The following GTPBP4 variants were observed in gnomAD, a reference collection of about 807,000 sequenced individuals.
GTPBP4 encodes GTP binding protein 4, also known as GTP-binding protein 4.
In GTPBP4, 15 loss-of-function variants were observed where a neutral mutation model predicts 81.7. The ratio of observed to expected loss-of-function variants is 0.18; its 90% confidence interval spans 0.12 to 0.28. GTPBP4 has a LOEUF of 0.28. Among genes scored for constraint, GTPBP4 ranks in the 10% least tolerant of loss-of-function variants. GTPBP4 has a pLI of 1.00. For missense variants in GTPBP4, 847 were observed against 793.8 expected (o/e 1.07, Z -0.81); for synonymous variants, 272 against 274.6 (o/e 0.99, Z 0.09).
rs572094491 is a variant in GTPBP4 at position 1,011,298 on chromosome 10, A to C, written c.1344+778A>C. On this transcript the variant is annotated intron_variant, in intron 13 of 16. Coordinates refer to ENST00000360803, the MANE Select transcript of GTPBP4 (RefSeq NM_012341.3). ...TTTTTCCTGCCTCAATCCCCTCCCT[A>C]CTTGCTTTTTCTTAGCATATAAAAG... Among the ~76,000 whole-genome samples, 6 of 152,048 alleles carry C rather than the reference A, an allele frequency of 3.9e-5. No individual in the cohort carries two copies. The East Asian group carries it at 1.2e-3, about 29-fold the overall frequency.
At chr10:1,013,152 T>G (rs888054446) in intron 14 of GTPBP4, among the ~76,000 whole-genome samples, 1 of 152,010 alleles carries the variant, frequency 6.6e-6, no homozygotes, top group Non-Finnish European at 1.5e-5. Flanking sequence ...CCTGGCTAAC[T>G]TTTGTATTTT....
chr10:1,017,253 C>CT lies in GTPBP4; in HGVS notation c.*27dup, dbSNP rs759771680. On this transcript the variant is annotated 3_prime_UTR_variant, in exon 17 of 17. Transcript: ENST00000360803. ...TATCCGTTTGGTTGGCGTGGCTTCG[C>CT]TAGAGTGTTGCTGTTTATTTCCTGG... is the stretch of plus-strand genomic sequence containing the variant. The CT allele has an allele frequency of 1.4e-5, 22 of 1,604,270 alleles. No homozygotes were observed. The South Asian group carries it at 1.8e-4, about 13-fold the overall frequency.
chr10:1,011,545 G>A (rs551342628), intron 13 of GTPBP4, among the ~76,000 whole-genome samples: 1 of 152,066 alleles, frequency 6.6e-6, no homozygotes, highest in East Asian at 1.9e-4. Context: ...TGAGCTCTCT[G>A]GAACATTCTT....
At position 1,017,238 on chromosome 10, in the gene GTPBP4, G is replaced by C. The variant is rs368768692; in HGVS notation, c.*11G>C. The stretch of plus-strand genomic sequence containing the variant: ...AAGGACAGGAGATAGTATCCGTTTG[G>C]TTGGCGTGGCTTCGCTAGAGTGTTG... On this transcript the variant is annotated 3_prime_UTR_variant, in exon 17 of 17. Coordinates refer to ENST00000360803, the MANE Select transcript of GTPBP4 (RefSeq NM_012341.3). 1.2e-6 allele frequency: 2 copies of C among 1,612,694 alleles called. No individual in the cohort carries two copies. The highest frequency in any genetic ancestry group is 1.7e-6 in the Non-Finnish European group (2 of 1,179,028).
In GTPBP4 at chr10:1,000,755, G is replaced by T; in HGVS notation, c.733G>T (p.Ala245Ser). The T allele has an allele frequency of 6.2e-7, 1 of 1,604,840 alleles. No homozygotes were observed. The highest frequency in any genetic ancestry group is 8.5e-7 in the Non-Finnish European group (1 of 1,175,364). Residue 245 changes from alanine (A) to serine (S), a missense_variant, in exon 7 of 17, where the codon GCC (alanine) becomes TCC (serine). By Grantham distance (99) the Ala-to-Ser change is moderately conservative. Around this residue, in one of 3 missense-constraint regions of GTPBP4, gnomAD observed 600 missense variants for 557.1 expected, o/e 1.08. Transcript: ENST00000360803. Reference sequence around the variant, plus strand: ...CGAGATGCAGGCCATCACTGCCCTGGCCCACCTCCGTGCTGCGGTCCTGTA... The same window carrying T: ...CGAGATGCAGGCCATCACTGCCCTGTCCCACCTCCGTGCTGCGGTCCTGTA... ...TIEMQAITAL[A>S]HLRAAVLYVM... is the part of the protein sequence containing the mutation.
At chr10:1,011,810 G>A (rs945016390) in intron 13 of GTPBP4, among the ~76,000 whole-genome samples, 4 of 152,146 alleles carry the variant, frequency 2.6e-5, no homozygotes, top group African/African-American at 4.8e-5. Flanking sequence ...CGCGGTGGCC[G>A]CCTGCCTTCC....
intron 13 of GTPBP4, among the ~76,000 whole-genome samples, chr10:1,011,051 GGCCCTTC>G (rs1831856512): frequency 3.1e-5 from 4 of 127,094 alleles, no homozygotes; most frequent in South Asian, 2.6e-4. Flanking sequence ...TGCTGTGCTG[GGCCCTTC>G]ATTCTCCTGC....
At chr10:1,012,435 T>G in intron 13 of GTPBP4, 30 bp from the exon 14 acceptor site, 1 of 1,484,736 alleles carries the variant, frequency 6.7e-7, no homozygotes, top group African/African-American at 1.4e-5. Context: ...TCATTGTTAA[T>G]TTTGCTTCAT....
rs1351395158 is a variant in GTPBP4 at position 1,006,897 on chromosome 10, C to T, written c.1003-121C>T. On this transcript the variant is annotated intron_variant, in intron 9 of 16. Coordinates refer to ENST00000360803, the MANE Select transcript of GTPBP4 (RefSeq NM_012341.3). ...GGGCCTCAGAGAATGTGGCCCCCTA[C>T]GTGTTAGTTACCTTGAGGGAAAAGG... 1.5e-5 allele frequency: 10 copies of T among 664,996 alleles called. No individual in the cohort carries two copies. The East Asian group carries it at 1.6e-4, about 11-fold the overall frequency. The allele number at this position is 664,996 out of a possible 1,614,324, so 41.2% of individuals were successfully genotyped here. A position where few individuals can be genotyped will look rare whatever the true frequency, so the allele number is the denominator to read the frequency against.
intron 6 of GTPBP4, 83 bp downstream of exon 6, chr10:999,178 G>T: frequency 1.3e-6 from 1 of 782,792 alleles, no homozygotes; most frequent in Non-Finnish European, 2.2e-6. Flanking sequence ...GAGTGCAGTG[G>T]CATGATCTCA....
At chr10:1,014,126 A>T (rs1449104353) in intron 14 of GTPBP4, 121 bp from the exon 15 acceptor site, 1 of 592,864 alleles carries the variant, frequency 1.7e-6, no homozygotes, top group Admixed American at 2.9e-5. Flanking sequence ...AAAAATTACA[A>T]CTTCTAAAAT....
In GTPBP4 at chr10:1,017,181, A is replaced by G; in HGVS notation, c.1859A>G (p.His620Arg). Reference sequence around the variant, plus strand: ...CACGTGTTTGATATGAAGCCCAAGCACTTGCTGTCTGGGAAGAGGAAAGCT... The same window carrying G: ...CACGTGTTTGATATGAAGCCCAAGCGCTTGCTGTCTGGGAAGAGGAAAGCT... ...DRHVFDMKPK[H>R]LLSGKRKAGK... The change falls in exon 17 of 17, where the codon CAC (histidine) becomes CGC (arginine). Residue 620 changes from histidine (H) to arginine (R), a missense_variant. Around this residue, in one of 3 missense-constraint regions of GTPBP4, gnomAD observed 600 missense variants for 557.1 expected, o/e 1.08. Coordinates refer to ENST00000360803, the MANE Select transcript of GTPBP4 (RefSeq NM_012341.3). 1 of 1,614,186 alleles carries G rather than the reference A, an allele frequency of 6.2e-7. No individual in the cohort carries two copies. The highest frequency in any genetic ancestry group is 2.2e-5 in the East Asian group (1 of 44,892).
chr10:993,325 C>T (rs1286851825), intron 2 of GTPBP4, among the ~76,000 whole-genome samples: 1 of 152,026 alleles, frequency 6.6e-6, no homozygotes, highest in Admixed American at 6.5e-5. Flanking sequence ...TGATCTCAGC[C>T]CGCTGAAATC....
Position 1,019,272 on chromosome 10 carries a change from A to G in GTPBP4, c.*2045A>G. Reference sequence around the variant, plus strand: ...AATCAAACAAGTGCTTATAAAATGGAAATTGGGACAAAGGAAATGTTAAAT... The same window carrying G: ...AATCAAACAAGTGCTTATAAAATGGGAATTGGGACAAAGGAAATGTTAAAT... On this transcript the variant is annotated 3_prime_UTR_variant, in exon 17 of 17. Coordinates refer to ENST00000360803, the MANE Select transcript of GTPBP4 (RefSeq NM_012341.3). 2.2e-6 allele frequency: 1 copy of G among 454,342 alleles called. No homozygotes were observed. Among genetic ancestry groups the G allele is most frequent in the East Asian group, 4.0e-5 (1 of 25,118 alleles). The allele number at this position is 454,342 out of a possible 1,614,324, so 28.1% of individuals were successfully genotyped here.
intron 13 of GTPBP4, among the ~76,000 whole-genome samples, chr10:1,011,207 C>T (rs528420562): frequency 2.0e-5 from 3 of 152,104 alleles, no homozygotes; most frequent in Admixed American, 6.6e-5. Flanking sequence ...CCTGTATCTC[C>T]GCCAGGCCCT....
rs1871623 is a variant in GTPBP4 at position 1,000,034 on chromosome 10, T to G, written c.655-643T>G. Among the ~76,000 whole-genome samples the G allele has an allele frequency of 5.9e-3, 903 of 152,244 alleles. 8 individuals are homozygous for G. Among genetic ancestry groups the G allele is most frequent in the Non-Finnish European group, 9.9e-3 (676 of 68,018 alleles). On this transcript the variant is annotated intron_variant, in intron 6 of 16. Transcript: ENST00000360803. ...TTTTGTAAATTGTGAAGAAAGTAAT[T>G]CCTAAGACATGGGAGGGTTCTCAGT...
chr10:989,374 C>T (rs919625590), intron 1 of GTPBP4, among the ~76,000 whole-genome samples: 1 of 152,194 alleles, frequency 6.6e-6, no homozygotes, highest in Non-Finnish European at 1.5e-5. Context: ...CCCGGCCTCC[C>T]AAAGTGCTGG....
intron 1 of GTPBP4, among the ~76,000 whole-genome samples, chr10:991,986 C>G (rs1352401380): frequency 6.6e-6 from 1 of 150,712 alleles, no homozygotes; most frequent in African/African-American, 2.4e-5. Context: ...TGAGCCACCG[C>G]GCCCGGCCGG....
At chr10:1,009,831 C>CA (rs1010358247) in intron 12 of GTPBP4, among the ~76,000 whole-genome samples, 2 of 152,136 alleles carry the variant, frequency 1.3e-5, no homozygotes, top group African/African-American at 2.4e-5. Flanking sequence ...CCCGTCTCTA[C>CA]AAAAAATACA....
Sources: allele counts gnomAD v4.1 joint callset (sites outside exome capture counted in the v4.1 genomes callset), GRCh38; gene constraint gnomAD v4.1.1; regional missense constraint gnomAD v4.1.1; transcripts MANE v1.5; gene names NCBI Gene and HGNC (gene_info 2026-07-23, HGNC 2026-07-21).